EML6: variants seen among roughly 807,000 people sequenced by gnomAD.
The protein encoded by EML6 is echinoderm microtubule-associated protein-like 6.
A neutral mutation model predicts 240.1 loss-of-function variants in EML6; 154 were observed. The observed-to-expected ratio is 0.64, with a 90% CI of 0.56 to 0.73. The LOEUF (loss-of-function observed/expected upper bound fraction) is 0.73. Among genes scored for constraint, EML6 ranks in the 30% least tolerant of loss-of-function variants. The probability of loss-of-function intolerance (pLI) is 0.00; values close to 1 mark genes in which losing one functional copy is unlikely to be tolerated. For missense variants in EML6, 2,964 were observed against 2,474.6 expected (o/e 1.20, Z -4.20); for synonymous variants, 1,148 against 899.0 (o/e 1.28, Z -4.95).
intron 13 of EML6, among the ~76,000 whole-genome samples, chr2:54,865,397 AG>A (rs1193973365): frequency 6.6e-6 from 1 of 152,006 alleles, no homozygotes; most frequent in African/African-American, 2.4e-5. Flanking sequence ...GGATTGCCTG[AG>A]CCCAGGAGAT....
At chr2:54,731,593 GGT>G (rs1166940977) in intron 2 of EML6, among the ~76,000 whole-genome samples, 6 of 147,970 alleles carry the variant, frequency 4.1e-5, no homozygotes, top group Non-Finnish European at 8.9e-5. Flanking sequence ...CTCCAGCCTG[GGT>G]GACAGGGCAA....
chr2:54,801,269 C>G (rs1348611098), intron 2 of EML6, among the ~76,000 whole-genome samples: 2 of 148,078 alleles, frequency 1.4e-5, no homozygotes, highest in Non-Finnish European at 1.5e-5. Flanking sequence ...GAGCCGAGAT[C>G]TCACCACTGC....
At chr2:54,948,498 G>T (rs1325887033) in intron 28 of EML6, among the ~76,000 whole-genome samples, 2 of 152,194 alleles carry the variant, frequency 1.3e-5, no homozygotes, top group Non-Finnish European at 2.9e-5. Flanking sequence ...TCTGAAAAAG[G>T]TCAGCAAGTC....
rs114815907 is a variant in EML6 at position 54,815,283 on chromosome 2, C to G, written c.358-1504C>G. Among the ~76,000 whole-genome samples, 394 of 152,256 alleles carry G rather than the reference C, an allele frequency of 2.6e-3. 1 individual carries two copies. The highest frequency in any genetic ancestry group is 0.017 in the Middle Eastern group (5 of 294). ...AACTGTCAGGTGAGAGAAATAACCT[C>G]TTGTATGTTAGCCATGGTGGATTTC... On this transcript the variant is annotated intron_variant, in intron 3 of 41. Transcript: ENST00000356458.
At chr2:54,761,064 T>C (rs1667960826) in intron 2 of EML6, among the ~76,000 whole-genome samples, 1 of 152,170 alleles carries the variant, frequency 6.6e-6, no homozygotes. Flanking sequence ...TTTCAGCTTC[T>C]CTGCTTTATG....
chr2:54,851,287 C>A (rs1049660932), intron 10 of EML6, among the ~76,000 whole-genome samples: 2 of 152,106 alleles, frequency 1.3e-5, no homozygotes, highest in African/African-American at 4.8e-5. Flanking sequence ...GTGGCGGGCA[C>A]CTGTATTTCC....
In EML6 at chr2:54,970,316, A is replaced by G. The variant is rs955916020; in HGVS notation, c.*221A>G. On this transcript the variant is annotated 3_prime_UTR_variant, in exon 42 of 42. Coordinates refer to ENST00000356458, the MANE Select transcript of EML6 (RefSeq NM_001039753.4). Reference sequence around the variant, plus strand: ...GGAAGGTCAAGTTTTAAAATGTTAAAGACTGCTTGCCTCTGTTCCTGAGAC... The same window carrying G: ...GGAAGGTCAAGTTTTAAAATGTTAAGGACTGCTTGCCTCTGTTCCTGAGAC... 1 of 592,774 alleles carries G rather than the reference A, an allele frequency of 1.7e-6. No homozygotes were observed. The highest frequency in any genetic ancestry group is 3.0e-6 in the Non-Finnish European group (1 of 331,250). The allele number at this position is 592,774 out of a possible 1,614,324, so 36.7% of individuals were successfully genotyped here.
intron 38 of EML6, 39 bp from the exon 39 acceptor site, chr2:54,966,961 A>G: frequency 2.9e-6 from 4 of 1,372,830 alleles, no homozygotes; most frequent in Non-Finnish European, 4.1e-6. Context: ...TGGGACTGAG[A>G]AAGAACGTTG....
intron 7 of EML6, among the ~76,000 whole-genome samples, chr2:54,838,796 G>A (rs979772488): frequency 6.6e-6 from 1 of 152,198 alleles, no homozygotes; most frequent in East Asian, 1.9e-4. Context: ...CATCACAAGT[G>A]GCACAGGGTA....
rs1449651318 is a variant in EML6, at chr2:54,813,217, C to T, written c.198-15C>T. The stretch of plus-strand genomic sequence containing the variant: ...TTCAGTTGGAAGATGTGAAAAGAAA[C>T]CTTTTCTCTTTCAGCCTTGCCTTAC... On this transcript the variant is annotated splice_polypyrimidine_tract_variant and intron_variant, in intron 2 of 41. Transcript: ENST00000356458. The T allele has an allele frequency of 2.6e-6, 4 of 1,528,694 alleles. No homozygotes were observed. The highest frequency in any genetic ancestry group is 2.1e-5 in the Admixed American group (1 of 46,908). The allele number at this position is 1,528,694 out of a possible 1,614,324, so 94.7% of individuals were successfully genotyped here. A position where few individuals can be genotyped will look rare whatever the true frequency, so the allele number is the denominator to read the frequency against.
chr2:54,969,960 C>G, intron 41 of EML6, 111 bp from the exon 42 acceptor site: 1 of 1,114,780 alleles, frequency 9.0e-7, no homozygotes, highest in East Asian at 2.6e-5. Flanking sequence ...TCAAAATGTT[C>G]AATACATCAC....
At chr2:54,859,122 C>T (rs992658286) in intron 11 of EML6, among the ~76,000 whole-genome samples, 6 of 152,216 alleles carry the variant, frequency 3.9e-5, no homozygotes, top group Non-Finnish European at 8.8e-5. Flanking sequence ...TCTCCAAACT[C>T]TATGTCTACG....
intron 7 of EML6, among the ~76,000 whole-genome samples, chr2:54,838,683 G>C (rs890745248): frequency 6.6e-6 from 1 of 152,266 alleles, no homozygotes; most frequent in Non-Finnish European, 1.5e-5. Flanking sequence ...GTGAGGATTT[G>C]GTCTTGGCAT....
At chr2:54,815,454 A>T (rs1250731567) in intron 3 of EML6, among the ~76,000 whole-genome samples, 3 of 152,228 alleles carry the variant, frequency 2.0e-5, no homozygotes, top group African/African-American at 7.2e-5. Flanking sequence ...TAGCTATGGG[A>T]ACTGTCACTA....
chr2:54,776,720 C>A (rs1572883564), intron 2 of EML6, among the ~76,000 whole-genome samples: 1 of 152,050 alleles, frequency 6.6e-6, no homozygotes, highest in East Asian at 1.9e-4. Flanking sequence ...TCTCCTCCCT[C>A]CCCTCCTGTG....
At chr2:54,904,152 G>T (rs1356557729) in intron 24 of EML6, among the ~76,000 whole-genome samples, 2 of 152,102 alleles carry the variant, frequency 1.3e-5, no homozygotes, top group Non-Finnish European at 2.9e-5. Context: ...ATTGAGTGAG[G>T]GAGATACTTA....
chr2:54,879,548 C>T lies in EML6; in HGVS notation c.2346C>T (p.Ala782=), dbSNP rs573319889. The T allele has an allele frequency of 3.0e-5, 47 of 1,548,298 alleles. No individual in the cohort carries two copies. Among genetic ancestry groups the T allele is most frequent in the Non-Finnish European group, 3.2e-5 (37 of 1,144,084 alleles). ...GACATTTGTGTTGTTTTCATACAGC[C>T]GATGGAAAATGTCTGGTGTCGGTTG... ...QRGVCALDFS[A]DGKCLVSVGL... Residue 782 remains alanine (A), a splice_region_variant and synonymous_variant, in exon 17 of 42, where the codon GCC becomes GCT. Coordinates refer to ENST00000356458, the MANE Select transcript of EML6 (RefSeq NM_001039753.4).
intron 2 of EML6, among the ~76,000 whole-genome samples, chr2:54,780,749 A>G (rs1668818941): frequency 6.6e-6 from 1 of 152,260 alleles, no homozygotes; most frequent in Non-Finnish European, 1.5e-5. Context: ...ATATTTTCAT[A>G]GAAACATAGT....
rs1348189637 is a variant in EML6 at position 54,736,215 on chromosome 2, C to T, written c.197+10957C>T. On this transcript the variant is annotated intron_variant, in intron 2 of 41. Transcript: ENST00000356458. ...ATGGAGACCAGTGAGTTCATTTAAACAAGGCAAGAGAAGGCCAATTTACAT... is the reference window on the plus strand; with the variant it reads ...ATGGAGACCAGTGAGTTCATTTAAATAAGGCAAGAGAAGGCCAATTTACAT... 2.0e-5 allele frequency among the ~76,000 whole-genome samples: 3 copies of T among 152,220 alleles called. No individual in the cohort carries two copies. The East Asian group carries it at 5.8e-4, about 29-fold the overall frequency.
Sources: allele counts gnomAD v4.1 joint callset (sites outside exome capture counted in the v4.1 genomes callset), GRCh38; gene constraint gnomAD v4.1.1; transcripts MANE v1.5; gene names NCBI Gene and HGNC (gene_info 2026-07-23, HGNC 2026-07-21).